Variants in DGKB observed in about 807,000 individuals in gnomAD.
The protein encoded by DGKB is diacylglycerol kinase beta.
DGKB carries 67 observed loss-of-function variants against 114.3 expected under a neutral mutation model. The observed-to-expected ratio is 0.59, with a 90% CI of 0.48 to 0.72. The LOEUF (loss-of-function observed/expected upper bound fraction) is 0.72. Among genes scored for constraint, DGKB ranks in the 30% least tolerant of loss-of-function variants. The pLI is 0.00. For missense variants in DGKB, 907 were observed against 975.2 expected (o/e 0.93, Z 0.93); for synonymous variants, 398 against 323.1 (o/e 1.23, Z -2.49).
intron 16 of DGKB, among the ~76,000 whole-genome samples, chr7:14,609,755 CAAACATATGA>C (rs1030980081): frequency 1.5e-4 from 23 of 149,260 alleles, no homozygotes; most frequent in Non-Finnish European, 3.4e-4. Context: ...AAGCAGGAAA[CAAACATATGA>C]AAACATGCTT....
intron 14 of DGKB, among the ~76,000 whole-genome samples, chr7:14,628,307 A>ATGTGTGTGTGTGTGTGTGTGTGTG (rs139191761): frequency 1.7e-4 from 25 of 150,572 alleles, no homozygotes; most frequent in Middle Eastern, 3.4e-3. Context: ...AACACAAGTT[A>ATGTGTGTGTGTGTGTGTGTGTGTG]TGTGTGTGTG....
intron 2 of DGKB, among the ~76,000 whole-genome samples, chr7:14,839,488 G>A (rs1262326414): frequency 6.8e-6 from 1 of 147,324 alleles, no homozygotes; most frequent in Non-Finnish European, 1.5e-5. Flanking sequence ...TGCAGCCTCA[G>A]CCTCCTGGGC....
At chr7:14,470,266 A>G (rs960428825) in intron 21 of DGKB, among the ~76,000 whole-genome samples, 2 of 151,890 alleles carry the variant, frequency 1.3e-5, no homozygotes, top group Non-Finnish European at 2.9e-5. Flanking sequence ...ACTAAAAATG[A>G]CAAACATTTA....
At chr7:14,489,196 C>A (rs1784266281) in intron 20 of DGKB, among the ~76,000 whole-genome samples, 1 of 152,120 alleles carries the variant, frequency 6.6e-6, no homozygotes, top group Non-Finnish European at 1.5e-5. Context: ...ATCCTTATTT[C>A]ATAGTTTCCA....
chr7:14,698,494 G>C (rs1467000669), intron 7 of DGKB, among the ~76,000 whole-genome samples: 1 of 152,112 alleles, frequency 6.6e-6, no homozygotes, highest in African/African-American at 2.4e-5. Context: ...TGATTTTTAA[G>C]ACACTGAATT....
At chr7:14,662,344 CA>C (rs753093305) in intron 13 of DGKB, among the ~76,000 whole-genome samples, 1 of 151,694 alleles carries the variant, frequency 6.6e-6, no homozygotes, top group Non-Finnish European at 1.5e-5. Flanking sequence ...TATTCTAAGA[CA>C]AATGTTCTGT....
chr7:14,299,804 C>A (rs1226789046), intron 23 of DGKB, among the ~76,000 whole-genome samples: 1 of 152,004 alleles, frequency 6.6e-6, no homozygotes, highest in Non-Finnish European at 1.5e-5. Flanking sequence ...TAAGGCGTGC[C>A]CTTCACTCCT....
chr7:14,438,049 G>C (rs756022217), intron 21 of DGKB, among the ~76,000 whole-genome samples: 8 of 151,862 alleles, frequency 5.3e-5, no homozygotes, highest in Non-Finnish European at 1.0e-4. Context: ...CTATACTGAA[G>C]TTTGAGAAAT....
In DGKB at chr7:14,409,474, G is replaced by A. The variant is rs1824505133; in HGVS notation, c.1836-64083C>T. On this transcript the variant is annotated intron_variant, in intron 21 of 25. Coordinates refer to ENST00000402815, the MANE Select transcript of DGKB (RefSeq NM_001350709.2). ...TGTAATCCCAGCACTTTGGGAGGCC[G>A]AGGCGGGTGGATCATGAGGTCAGGA... is the stretch of plus-strand genomic sequence containing the variant. 1.8e-4 allele frequency among the ~76,000 whole-genome samples: 2 copies of A among 10,966 alleles called. 1 individual carries two copies. Among genetic ancestry groups the A allele is most frequent in the Non-Finnish European group, 8.5e-4 (2 of 2,350 alleles). The allele number at this position is 10,966 out of a possible 152,430, so 7.2% of individuals were successfully genotyped here.
intron 4 of DGKB, among the ~76,000 whole-genome samples, chr7:14,744,976 T>G (rs1833060368): frequency 1.3e-5 from 2 of 152,192 alleles, no homozygotes; most frequent in Admixed American, 1.3e-4. Context: ...GCAGTTATCC[T>G]GCTAATCCTG....
intron 13 of DGKB, among the ~76,000 whole-genome samples, chr7:14,660,185 TA>T (rs1032451577): frequency 3.9e-5 from 6 of 152,028 alleles, no homozygotes; most frequent in Non-Finnish European, 5.9e-5. Context: ...GATATTGGTC[TA>T]AAATTCTCTT....
intron 20 of DGKB, among the ~76,000 whole-genome samples, chr7:14,567,730 C>T (rs1215281161): frequency 6.7e-6 from 1 of 150,058 alleles, no homozygotes; most frequent in Non-Finnish European, 1.5e-5. Context: ...CCTCAGCCTC[C>T]CAAGTAGCTG....
At chr7:14,807,048 GA>G (rs1012411501) in intron 2 of DGKB, among the ~76,000 whole-genome samples, 36 of 149,110 alleles carry the variant, frequency 2.4e-4, no homozygotes, top group Admixed American at 1.5e-3. Context: ...AGTTCTTGGA[GA>G]AAAAAAAAAT....
At chr7:14,709,969 A>T (rs1585872913) in intron 6 of DGKB, among the ~76,000 whole-genome samples, 1 of 143,030 alleles carries the variant, frequency 7.0e-6, no homozygotes, top group African/African-American at 2.8e-5. Flanking sequence ...AGTATAATTA[A>T]AAAAAAAAAA....
At position 14,646,248 on chromosome 7, in the gene DGKB, T is replaced by C. The variant is rs1412687438; in HGVS notation, c.1135-15980A>G. On this transcript the variant is annotated intron_variant, in intron 13 of 25. Coordinates refer to ENST00000402815, the MANE Select transcript of DGKB (RefSeq NM_001350709.2). ...TATTTGTATCAGACAAAGTAGACTTTAAGTCAAAAAACATAAAAACAGACA... is the reference window on the plus strand; with the variant it reads ...TATTTGTATCAGACAAAGTAGACTTCAAGTCAAAAAACATAAAAACAGACA... 2.6e-5 allele frequency among the ~76,000 whole-genome samples: 4 copies of C among 152,134 alleles called. No individual in the cohort carries two copies. In the East Asian group the frequency reaches 7.7e-4, roughly 29 times the overall value.
At chr7:14,603,297 T>A (rs1428066448) in intron 17 of DGKB, among the ~76,000 whole-genome samples, 1 of 152,110 alleles carries the variant, frequency 6.6e-6, no homozygotes, top group Non-Finnish European at 1.5e-5. Context: ...AGTTGAGTGC[T>A]TCACTTTTAT....
Position 14,971,693 on chromosome 7 carries a change from CTTTTAT to C in DGKB, c.-188+2997_-188+3002del, listed in dbSNP as rs528591490. Among the ~76,000 whole-genome samples the C allele has an allele frequency of 3.6e-4, 54 of 151,140 alleles. No homozygotes were observed. In the East Asian group the frequency reaches 0.01, roughly 29 times the overall value. ...GAAAAATTCCTGGATAGATGAAAAT[CTTTTAT>C]TTTTATTTTTTTCAAAAAGTCACAG... On this transcript the variant is annotated intron_variant, in intron 1 of 4. Coordinates refer to the DGKB transcript ENST00000437998.
At chr7:14,212,568 T>C (rs553467447) in intron 23 of DGKB, among the ~76,000 whole-genome samples, 28 of 152,202 alleles carry the variant, frequency 1.8e-4, no homozygotes, top group African/African-American at 6.7e-4. Context: ...TTCACTATAC[T>C]TTTTCCTTAG....
intron 15 of DGKB, among the ~76,000 whole-genome samples, chr7:14,617,543 T>C (rs1806774107): frequency 6.6e-6 from 1 of 151,712 alleles, no homozygotes; most frequent in East Asian, 1.9e-4. Flanking sequence ...AACAATCTAA[T>C]CTTTATAAGA....
Sources: gnomAD v4.1 joint callset for allele counts (sites outside exome capture counted in the v4.1 genomes callset) on GRCh38, gnomAD v4.1.1 for gene constraint, MANE v1.5 for transcripts, NCBI Gene and HGNC (gene_info 2026-07-23, HGNC 2026-07-21) for gene names.